PHF21B: variants seen among roughly 807,000 people sequenced by gnomAD.
PHF21B encodes the protein PHD finger protein 21B, also known as PHD finger protein 4.
Under a neutral mutation model 62.2 loss-of-function variants are expected in PHF21B, and 22 were observed. That is an observed-to-expected ratio of 0.35 (90% CI 0.25 to 0.51). The LOEUF (loss-of-function observed/expected upper bound fraction) is 0.51, where lower values mean the gene tolerates loss of function less well. Ranked by LOEUF, PHF21B falls within the 20% of genes least tolerant of loss-of-function variation. The pLI is 0.97. For missense variants in PHF21B, 701 were observed against 707.9 expected (o/e 0.99, Z 0.11); for synonymous variants, 341 against 314.7 (o/e 1.08, Z -0.88).
chr22:44,958,578 C>T (rs2072350319), intron 2 of PHF21B, among the ~76,000 whole-genome samples: 1 of 146,356 alleles, frequency 6.8e-6, no homozygotes, highest in African/African-American at 2.5e-5. Flanking sequence ...TCCTCAGCTT[C>T]ATCTTCCAGC....
At chr22:44,963,165 C>A (rs1291934923) in intron 2 of PHF21B, among the ~76,000 whole-genome samples, 1 of 152,234 alleles carries the variant, frequency 6.6e-6, no homozygotes, top group African/African-American at 2.4e-5. Flanking sequence ...TCCCTGCTCT[C>A]CCTTCTGGGA....
chr22:44,892,231 G>A (rs1230228904), intron 7 of PHF21B, among the ~76,000 whole-genome samples: 2 of 152,240 alleles, frequency 1.3e-5, no homozygotes, highest in Non-Finnish European at 2.9e-5. Context: ...CGAAGGGTCC[G>A]AGTCAGGGGA....
intron 2 of PHF21B, among the ~76,000 whole-genome samples, chr22:44,938,966 T>C (rs1263792929): frequency 6.6e-6 from 1 of 152,210 alleles, no homozygotes; most frequent in Non-Finnish European, 1.5e-5. Context: ...GGTTGAGGAC[T>C]GAAAAAGACC....
chr22:44,942,298 G>A (rs533777074), intron 2 of PHF21B, among the ~76,000 whole-genome samples: 4 of 152,226 alleles, frequency 2.6e-5, no homozygotes, highest in South Asian at 2.1e-4. Flanking sequence ...GAGGGCAGCC[G>A]ATGGGCTCTG....
At position 44,996,165 on chromosome 22, in the gene PHF21B, C is replaced by G. The variant is rs1039623112; in HGVS notation, c.120+12380G>C. ...CCCCCAGCTGAGGGGCTCGGTCTCT[C>G]CAGCGCCCAGCCCTCAGCAGGACCA... On this transcript the variant is annotated intron_variant, in intron 2 of 12. Coordinates refer to ENST00000313237, the MANE Select transcript of PHF21B (RefSeq NM_138415.5). Among the ~76,000 whole-genome samples, 137 of 152,324 alleles carry G rather than the reference C, an allele frequency of 9.0e-4. 1 individual carries two copies. Among genetic ancestry groups the G allele is most frequent in the Middle Eastern group, 3.4e-3 (1 of 294 alleles).
chr22:44,890,563 G>A (rs866453809), intron 8 of PHF21B, among the ~76,000 whole-genome samples: 4 of 152,218 alleles, frequency 2.6e-5, no homozygotes, highest in Non-Finnish European at 5.9e-5. Flanking sequence ...GCCCAGGGAG[G>A]GATGGTGACA....
At position 45,008,714 on chromosome 22, in the gene PHF21B, C is replaced by A. The variant is rs530689565; in HGVS notation, c.55-104G>T. ...CCCGCCCGGAGCCCCACGGGCGGGG[C>A]CGGCCGCAGCGCACCCCAAGTTTCC... is the stretch of plus-strand genomic sequence containing the variant. On this transcript the variant is annotated intron_variant, in intron 1 of 12. Transcript: ENST00000313237. 4,080 of 1,172,610 alleles carry A rather than the reference C, an allele frequency of 3.5e-3. 14 individuals carry two copies. The highest frequency in any genetic ancestry group is 4.0e-3 in the Non-Finnish European group (3,764 of 943,902). The allele number at this position is 1,172,610 out of a possible 1,614,324, so 72.6% of individuals were successfully genotyped here.
intron 2 of PHF21B, among the ~76,000 whole-genome samples, chr22:45,007,584 C>CGGAGGGAGGGAGGGGGCAGCGGAG (rs2073344160): frequency 1.9e-5 from 2 of 106,464 alleles, no homozygotes; most frequent in Non-Finnish European, 3.8e-5. Flanking sequence ...GAGGGGGCAG[C>CGGAGGGAGGGAGGGGGCAGCGGAG]GGAGGGAGGG....
chr22:44,981,886 G>A (rs1022463749), intron 2 of PHF21B, among the ~76,000 whole-genome samples: 4 of 152,260 alleles, frequency 2.6e-5, no homozygotes, highest in Non-Finnish European at 5.9e-5. Flanking sequence ...AGTTACTATG[G>A]CAACCCAGCT....
At chr22:44,996,124 G>A (rs993364919) in intron 2 of PHF21B, among the ~76,000 whole-genome samples, 1 of 152,168 alleles carries the variant, frequency 6.6e-6, no homozygotes, top group Non-Finnish European at 1.5e-5. Context: ...CAACAGGGGG[G>A]TGCTGGGCCA....
intron 2 of PHF21B, among the ~76,000 whole-genome samples, chr22:45,006,088 G>C (rs2073308897): frequency 1.3e-5 from 2 of 152,134 alleles, no homozygotes; most frequent in Non-Finnish European, 2.9e-5. Context: ...CATTTCATAG[G>C]TGACCTCTGA....
At chr22:44,991,543 G>A (rs1464746042) in intron 2 of PHF21B, among the ~76,000 whole-genome samples, 1 of 152,190 alleles carries the variant, frequency 6.6e-6, no homozygotes, top group Non-Finnish European at 1.5e-5. Context: ...CTGAGAACAG[G>A]GACGGGCCTG....
At chr22:44,924,751 G>A (rs9614985) in intron 2 of PHF21B, among the ~76,000 whole-genome samples, 50,547 of 152,060 alleles carry the variant, frequency 0.33, 9,645 homozygotes, top group Non-Finnish European at 0.42. Flanking sequence ...TTTTGTTATG[G>A]CAGCCTGGGC....
At chr22:44,922,638 A>G (rs1255664662) in intron 2 of PHF21B, among the ~76,000 whole-genome samples, 1 of 152,254 alleles carries the variant, frequency 6.6e-6, no homozygotes, top group Non-Finnish European at 1.5e-5. Context: ...ATCTCAAAAA[A>G]AAAGAAAAAA....
Position 44,985,465 on chromosome 22 carries a change from T to C in PHF21B, c.120+23080A>G, listed in dbSNP as rs1036737225. Among the ~76,000 whole-genome samples the C allele has an allele frequency of 5.9e-4, 90 of 152,232 alleles. 1 individual carries two copies. Among genetic ancestry groups the C allele is most frequent in the African/African-American group, 7.9e-4 (33 of 41,550 alleles). Reference sequence around the variant, plus strand: ...TAACAAAAAAATTAACTGGGTGTGGTGGCTCACGTTTGCAGTCCCACTTAT... The same window carrying C: ...TAACAAAAAAATTAACTGGGTGTGGCGGCTCACGTTTGCAGTCCCACTTAT... On this transcript the variant is annotated intron_variant, in intron 2 of 12. Transcript: ENST00000313237.
chr22:45,004,266 T>C (rs7287811), intron 2 of PHF21B, among the ~76,000 whole-genome samples: 13,457 of 152,280 alleles, frequency 0.088, 630 homozygotes, highest in Middle Eastern at 0.14. Flanking sequence ...GTTTTGTTGA[T>C]GTTTTTAAGT....
rs780050842 is a variant in PHF21B at position 44,916,497 on chromosome 22, G to A, written c.347C>T (p.Ala116Val). The A allele has an allele frequency of 1.1e-5, 17 of 1,608,480 alleles. No individual in the cohort carries two copies. The highest frequency in any genetic ancestry group is 1.4e-5 in the Non-Finnish European group (16 of 1,179,574). Residue 116 changes from alanine to valine, a missense_variant, in exon 4 of 13, where the codon GCC becomes GTC. By Grantham distance (64) the Ala-to-Val change is moderately conservative. Coordinates refer to ENST00000313237, the MANE Select transcript of PHF21B (RefSeq NM_138415.5). ...VKNPSPALPT[A>V]NNTVSHVPAP... ...TGGCACATGGCTGACAGTGTTGTTG[G>A]CGGTGGGGAGGGCTGGGCTGGGGTT...
At chr22:44,972,159 G>C (rs1206902502) in intron 2 of PHF21B, among the ~76,000 whole-genome samples, 8 of 152,224 alleles carry the variant, frequency 5.3e-5, no homozygotes, top group South Asian at 2.1e-4. Flanking sequence ...AGAGATAAAG[G>C]CTTGGCTTTG....
chr22:44,913,113 T>C (rs753371192), intron 5 of PHF21B, among the ~76,000 whole-genome samples: 17 of 152,226 alleles, frequency 1.1e-4, no homozygotes, highest in Non-Finnish European at 2.1e-4. Context: ...ACTATGTATT[T>C]GGATGCTTCA....
Sources: gnomAD v4.1 joint callset for allele counts (sites outside exome capture counted in the v4.1 genomes callset) on GRCh38, gnomAD v4.1.1 for gene constraint, MANE v1.5 for transcripts, NCBI Gene and HGNC (gene_info 2026-07-23, HGNC 2026-07-21) for gene names.